PODXL2: variants seen among roughly 807,000 people sequenced by gnomAD.
PODXL2 encodes podocalyxin like 2, also known as podocalyxin-like protein 2.
Under a neutral mutation model 53.4 loss-of-function variants are expected in PODXL2, and 17 were observed. The ratio of observed to expected loss-of-function variants is 0.32; its 90% CI spans 0.22 to 0.48. The LOEUF is 0.48. Ranked by LOEUF, PODXL2 falls within the 20% of genes least tolerant of loss-of-function variation. The probability of loss-of-function intolerance (pLI) is 0.99; values close to 1 mark genes in which losing one functional copy is unlikely to be tolerated. For synonymous variants in PODXL2, 311 were observed against 306.7 expected (o/e 1.01, Z -0.15); for missense variants, 673 against 760.0 (o/e 0.89, Z 1.35).
Position 127,662,270 on chromosome 3 carries a change from A to G in PODXL2, c.1165A>G (p.Lys389Glu). 6.2e-7 allele frequency: 1 copy of G among 1,614,026 alleles called. No individual in the cohort carries two copies. Among genetic ancestry groups the G allele is most frequent in the Non-Finnish European group, 8.5e-7 (1 of 1,179,938 alleles). The stretch of plus-strand genomic sequence containing the variant: ...CAAGGACTGGAGCAATCTGGCTGGG[A>G]AAAACTACATCATTCTGAACATGAC... ...ICKDWSNLAG[K>E]NYIILNMTEN... The change falls in exon 4 of 8, where the codon AAA (lysine) becomes GAA (glutamate). Residue 389 changes from lysine to glutamate, a missense_variant. Lys to Glu is a moderately conservative substitution (Grantham distance 56, BLOSUM62 1). Coordinates refer to ENST00000342480, the MANE Select transcript of PODXL2 (RefSeq NM_015720.4).
intron 2 of PODXL2, among the ~76,000 whole-genome samples, chr3:127,656,932 TTGGGAGGCCGAGG>T (rs1309950730): frequency 6.6e-6 from 1 of 151,506 alleles, no homozygotes; most frequent in Non-Finnish European, 1.5e-5. Flanking sequence ...TCCCAGCTGC[TTGGGAGGCCGAGG>T]TGGGAGGATC....
intron 4 of PODXL2, among the ~76,000 whole-genome samples, chr3:127,667,502 G>A (rs930940748): frequency 2.0e-5 from 3 of 152,218 alleles, no homozygotes; most frequent in African/African-American, 7.2e-5. Context: ...GGGAGGAGCC[G>A]GAGTGAGGAG....
rs146890393 is a variant in PODXL2 at position 127,669,352 on chromosome 3, C to T, written c.1425+150C>T. ...GGCAGGTTCCTTGCTTCAGGCCTCC[C>T]TTAGACATGGTTTTGTGGGAAAGAC... is the stretch of plus-strand genomic sequence containing the variant. On this transcript the variant is annotated intron_variant, in intron 6 of 7. Coordinates refer to ENST00000342480, the MANE Select transcript of PODXL2 (RefSeq NM_015720.4). The T allele has an allele frequency of 1.4e-4, 87 of 609,034 alleles. No homozygotes were observed. The East Asian group carries it at 2.9e-3, about 20-fold the overall frequency. The allele number at this position is 609,034 out of a possible 1,614,324, so 37.7% of individuals were successfully genotyped here.
intron 2 of PODXL2, among the ~76,000 whole-genome samples, chr3:127,640,247 G>A (rs2074606472): frequency 6.6e-6 from 1 of 152,230 alleles, no homozygotes; most frequent in African/African-American, 2.4e-5. Flanking sequence ...AGGGACTGAG[G>A]AATTGGTGTG....
intron 2 of PODXL2, among the ~76,000 whole-genome samples, chr3:127,640,455 C>G (rs903793832): frequency 6.6e-6 from 1 of 152,130 alleles, no homozygotes; most frequent in Admixed American, 6.5e-5. Context: ...AATCCCAGCA[C>G]TTTGGGAGGC....
chr3:127,661,083 A>G lies in PODXL2; in HGVS notation c.1055A>G (p.Gln352Arg), dbSNP rs755411807. The stretch of plus-strand genomic sequence containing the variant: ...ACACCTTCCTCTGCTACCTTGGGAC[A>G]AGAAGATCTCAACCAGCAGCTCCTA... ...ELTPSSATLG[Q>R]EDLNQQLLEG... is the part of the protein sequence containing the mutation. The change falls in exon 3 of 8, where the codon CAA (glutamine) becomes CGA (arginine). Residue 352 changes from glutamine to arginine, a missense_variant. Gln to Arg is a conservative substitution (Grantham distance 43). Coordinates refer to ENST00000342480, the MANE Select transcript of PODXL2 (RefSeq NM_015720.4). 1.2e-6 allele frequency: 2 copies of G among 1,614,216 alleles called. No individual in the cohort carries two copies. Among genetic ancestry groups the G allele is most frequent in the East Asian group, 2.2e-5 (1 of 44,884 alleles).
chr3:127,663,469 G>A (rs953003733), intron 4 of PODXL2, among the ~76,000 whole-genome samples: 3 of 152,158 alleles, frequency 2.0e-5, no homozygotes. Context: ...TCTTGTTAGT[G>A]GGCCTGGGCA....
At chr3:127,639,669 CAAAGG>C in intron 2 of PODXL2, 146 bp downstream of exon 2, 2 of 790,960 alleles carry the variant, frequency 2.5e-6, no homozygotes, top group Non-Finnish European at 4.0e-6. Flanking sequence ...CACATCAGAG[CAAAGG>C]CTCTGGGACC....
At chr3:127,635,287 A>G (rs2074570792) in intron 1 of PODXL2, among the ~76,000 whole-genome samples, 1 of 152,194 alleles carries the variant, frequency 6.6e-6, no homozygotes, top group Admixed American at 6.5e-5. Context: ...TTATATGGTC[A>G]CTGTTACACT....
At chr3:127,637,669 T>C (rs1329211285) in intron 1 of PODXL2, among the ~76,000 whole-genome samples, 1 of 152,240 alleles carries the variant, frequency 6.6e-6, no homozygotes, top group African/African-American at 2.4e-5. Flanking sequence ...AACATCTTCC[T>C]GTCTCTGACC....
At position 127,661,138 on chromosome 3, in the gene PODXL2, G is replaced by A; in HGVS notation, c.1110G>A (p.Arg370=). 6.2e-7 allele frequency: 1 copy of A among 1,613,916 alleles called. No individual in the cohort carries two copies. Among genetic ancestry groups the A allele is most frequent in the Non-Finnish European group, 8.5e-7 (1 of 1,179,898 alleles). Residue 370 remains arginine (R), a synonymous_variant, in exon 3 of 8, where the codon AGG becomes AGA. Coordinates refer to ENST00000342480, the MANE Select transcript of PODXL2 (RefSeq NM_015720.4). The part of the protein sequence containing the change: ...LEGQAAEAQS[R]IPWDSTQVIC... ...GGCAGGCAGCTGAAGCTCAATCCAG[G>A]ATACCCTGGGATTCTACGCAGGTAA... is the stretch of plus-strand genomic sequence containing the variant.
At chr3:127,649,234 C>A (rs112225022) in intron 2 of PODXL2, among the ~76,000 whole-genome samples, 264 of 152,368 alleles carry the variant, frequency 1.7e-3, no homozygotes, top group African/African-American at 5.8e-3. Context: ...CACAGCTCTG[C>A]AGCCTGTTCA....
In PODXL2 at chr3:127,639,466, T is replaced by C. The variant is rs771599177; in HGVS notation, c.292T>C (p.Phe98Leu). Reference sequence around the variant, plus strand: ...TCGGATTCTGCAGCCACCACAGTACTTCTGGGAAGAGGAGGAAGAGCTGAA... The same window carrying C: ...TCGGATTCTGCAGCCACCACAGTACCTCTGGGAAGAGGAGGAAGAGCTGAA... ...ESRILQPPQYFWEEEEELNDS... is the reference protein window; with the variant it reads ...ESRILQPPQYLWEEEEELNDS... The change falls in exon 2 of 8, where the codon TTC (phenylalanine) becomes CTC (leucine). Residue 98 changes from phenylalanine (F) to leucine (L), a missense_variant. Coordinates refer to ENST00000342480, the MANE Select transcript of PODXL2 (RefSeq NM_015720.4). 1.1e-5 allele frequency: 17 copies of C among 1,614,118 alleles called. 1 individual carries two copies. In the South Asian group the frequency reaches 1.9e-4, roughly 18 times the overall value.
chr3:127,666,020 TTATTTC>T, intron 4 of PODXL2: 1 of 428,438 alleles, frequency 2.3e-6, no homozygotes, highest in Non-Finnish European at 4.7e-6. Flanking sequence ...ATATGGATCT[TTATTTC>T]TGTCTCTCTC....
chr3:127,633,212 C>A (rs1049787663), intron 1 of PODXL2, among the ~76,000 whole-genome samples: 1 of 152,194 alleles, frequency 6.6e-6, no homozygotes, highest in Non-Finnish European at 1.5e-5. Context: ...TTAGCTCTGG[C>A]TTCTTTCCCT....
intron 4 of PODXL2, among the ~76,000 whole-genome samples, chr3:127,666,543 G>C (rs1176553489): frequency 6.6e-6 from 1 of 152,136 alleles, no homozygotes; most frequent in Non-Finnish European, 1.5e-5. Flanking sequence ...AAGGAGCTGG[G>C]ACCACAGATG....
At chr3:127,654,379 C>T (rs1278600736) in intron 2 of PODXL2, among the ~76,000 whole-genome samples, 1 of 152,158 alleles carries the variant, frequency 6.6e-6, no homozygotes, top group Non-Finnish European at 1.5e-5. Flanking sequence ...CTGGCTTCTT[C>T]ACTCTTTATT....
intron 2 of PODXL2, among the ~76,000 whole-genome samples, chr3:127,649,929 T>TC (rs1491123180): frequency 6.6e-6 from 1 of 152,248 alleles, no homozygotes; most frequent in Non-Finnish European, 1.5e-5. Flanking sequence ...AGAACAAGAC[T>TC]TTGTCTTAAA....
intron 2 of PODXL2, among the ~76,000 whole-genome samples, chr3:127,651,706 G>A (rs377279186): frequency 1.8e-4 from 28 of 152,240 alleles, no homozygotes; most frequent in African/African-American, 6.0e-4. Context: ...TACACCTGCC[G>A]TGAGCTGGGC....
Sources: gnomAD v4.1 joint callset for allele counts (sites outside exome capture counted in the v4.1 genomes callset) on GRCh38, gnomAD v4.1.1 for gene constraint, MANE v1.5 for transcripts, NCBI Gene and HGNC (gene_info 2026-07-23, HGNC 2026-07-21) for gene names.